The following EPB41L4B variants were observed in gnomAD, a reference collection of about 807,000 sequenced individuals.
The protein encoded by EPB41L4B is erythrocyte membrane protein band 4.1 like 4B, also known as band 4.1-like protein 4B.
In EPB41L4B, 30 loss-of-function variants were observed where a neutral mutation model predicts 112.5. The observed-to-expected ratio is 0.27, with a 90% CI of 0.20 to 0.36. The LOEUF (loss-of-function observed/expected upper bound fraction) is 0.36. Among genes scored for constraint, EPB41L4B ranks in the 10% least tolerant of loss-of-function variants. EPB41L4B has a pLI of 1.00. For synonymous variants in EPB41L4B, 408 were observed against 439.7 expected (o/e 0.93, Z 0.90); for missense variants, 1,024 against 1,133.3 (o/e 0.90, Z 1.38).
chr9:109,211,165 G>C (rs1028056898), intron 17 of EPB41L4B, among the ~76,000 whole-genome samples: 3 of 152,116 alleles, frequency 2.0e-5, no homozygotes, highest in Non-Finnish European at 4.4e-5. Flanking sequence ...GAGGATTCTT[G>C]ATCCTTGAGG....
intron 14 of EPB41L4B, among the ~76,000 whole-genome samples, chr9:109,244,666 G>T (rs1834483363): frequency 6.6e-6 from 1 of 152,058 alleles, no homozygotes; most frequent in African/African-American, 2.4e-5. Context: ...CAAACGGACT[G>T]AGGTGCAGCC....
intron 15 of EPB41L4B, among the ~76,000 whole-genome samples, chr9:109,235,698 T>C (rs2118928835): frequency 6.6e-6 from 1 of 152,332 alleles, no homozygotes; most frequent in African/African-American, 2.4e-5. Flanking sequence ...ACGCCCGGCC[T>C]TGAGCTATTT....
At position 109,268,538 on chromosome 9, in the gene EPB41L4B, ACCAGGGTTTGGATCATATCATGGGTT is replaced by A. The variant is rs1418162486; in HGVS notation, c.412-131_412-106del. 7 of 1,031,714 alleles carry A rather than the reference ACCAGGGTTTGGATCATATCATGGGTT, an allele frequency of 6.8e-6. No homozygotes were observed. The African/African-American group carries it at 8.2e-5, about 12-fold the overall frequency. 63.9% of individuals were successfully genotyped at this position (1,031,714 alleles called of 1,614,324 possible). A position where few individuals can be genotyped will look rare whatever the true frequency, so the allele number is the denominator to read the frequency against. The stretch of plus-strand genomic sequence containing the variant: ...AGCCTTAGTAATTCTACCCACAAAA[ACCAGGGTTTGGATCATATCATGGGTT>A]CTTAGGCTGGGAATCTGCAAACTGC... On this transcript the variant is annotated intron_variant, in intron 2 of 25. Transcript: ENST00000374566.
In EPB41L4B at chr9:109,174,465, T is replaced by C. The variant is rs1240092120; in HGVS notation, c.*89A>G. On this transcript the variant is annotated 3_prime_UTR_variant, in exon 26 of 26. Transcript: ENST00000374566. ...CCTGGGCGAACAGAGCACACACTTG[T>C]ATGCTGTGCTAGAGTGAGCACACAA... 10 of 1,245,110 alleles carry C rather than the reference T, an allele frequency of 8.0e-6. No homozygotes were observed. Among genetic ancestry groups the C allele is most frequent in the Non-Finnish European group, 1.2e-5 (10 of 845,452 alleles). 77.1% of individuals were successfully genotyped at this position (1,245,110 alleles called of 1,614,324 possible).
At chr9:109,261,516 G>T (rs1299901254) in intron 6 of EPB41L4B, among the ~76,000 whole-genome samples, 1 of 152,098 alleles carries the variant, frequency 6.6e-6, no homozygotes, top group East Asian at 1.9e-4. Context: ...ATTAAAAGGT[G>T]ACTGAAGAAT....
intron 2 of EPB41L4B, among the ~76,000 whole-genome samples, chr9:109,277,315 C>A (rs1199666221): frequency 6.2e-3 from 697 of 111,988 alleles, no homozygotes; most frequent in Admixed American, 7.1e-3. Flanking sequence ...AGTAGACATG[C>A]AAAAAAAAAA....
chr9:109,175,918 G>GT (rs912095255), intron 25 of EPB41L4B, among the ~76,000 whole-genome samples: 1 of 152,032 alleles, frequency 6.6e-6, no homozygotes, highest in African/African-American at 2.4e-5. Context: ...CTCCTCCCAG[G>GT]TATCTGCAGC....
chr9:109,202,254 A>G (rs1290360711), intron 19 of EPB41L4B, among the ~76,000 whole-genome samples: 1 of 152,174 alleles, frequency 6.6e-6, no homozygotes, highest in Non-Finnish European at 1.5e-5. Context: ...GCAGCTGGGT[A>G]TGTATCTCAG....
intron 2 of EPB41L4B, among the ~76,000 whole-genome samples, chr9:109,271,988 T>C (rs1300036760): frequency 6.6e-6 from 1 of 152,206 alleles, no homozygotes; most frequent in African/African-American, 2.4e-5. Context: ...GGTTGTAGAA[T>C]TTAATCATCT....
intron 1 of EPB41L4B, among the ~76,000 whole-genome samples, chr9:109,303,653 G>A (rs1258300402): frequency 1.3e-5 from 2 of 151,626 alleles, no homozygotes; most frequent in Admixed American, 6.6e-5. Flanking sequence ...ATGCCTGGCT[G>A]GGTTTTTTTT....
At chr9:109,320,051 G>C (rs1017827904) in intron 1 of EPB41L4B, 90 bp downstream of exon 1, 2 of 1,152,458 alleles carry the variant, frequency 1.7e-6, no homozygotes, top group Non-Finnish European at 2.2e-6. Flanking sequence ...GGAGGTGCAA[G>C]GGAAGCGCCC....
chr9:109,179,986 A>T (rs1403544121), intron 24 of EPB41L4B, among the ~76,000 whole-genome samples: 2 of 151,942 alleles, frequency 1.3e-5, no homozygotes, highest in South Asian at 2.1e-4. Context: ...TCCCTCAAAG[A>T]TTTCCTGTTG....
intron 15 of EPB41L4B, among the ~76,000 whole-genome samples, chr9:109,230,409 T>C (rs1833913663): frequency 6.6e-6 from 1 of 152,196 alleles, no homozygotes; most frequent in South Asian, 2.1e-4. Context: ...CTACGTGACC[T>C]TAGGTAACTC....
intron 13 of EPB41L4B, 25 bp downstream of exon 13, chr9:109,251,456 T>C: frequency 6.2e-7 from 1 of 1,602,370 alleles, no homozygotes; most frequent in Middle Eastern, 1.7e-4. Context: ...AGGAGAGCTG[T>C]GCTCTAGAGC....
chr9:109,199,408 C>T (rs1041850965), intron 20 of EPB41L4B, among the ~76,000 whole-genome samples: 2 of 152,116 alleles, frequency 1.3e-5, no homozygotes, highest in African/African-American at 4.8e-5. Flanking sequence ...GTGGCTCACA[C>T]CTGCAGTCCC....
chr9:109,258,837 C>T lies in EPB41L4B; in HGVS notation c.632-540G>A, dbSNP rs368616309. Among the ~76,000 whole-genome samples, 42 of 152,120 alleles carry T rather than the reference C, an allele frequency of 2.8e-4. 1 individual carries two copies. Among genetic ancestry groups the T allele is most frequent in the African/African-American group, 9.2e-4 (38 of 41,510 alleles). ...GGTGCGAGGGCTGCAGGAGCAACTG[C>T]GGGAAGTCAGGCAGAACCTGGGAGG... is the stretch of plus-strand genomic sequence containing the variant. On this transcript the variant is annotated intron_variant, in intron 6 of 25. Transcript: ENST00000374566.
intron 1 of EPB41L4B, chr9:109,307,149 T>C: frequency 2.5e-6 from 1 of 403,446 alleles, no homozygotes; most frequent in Non-Finnish European, 4.9e-6. Context: ...TGAAGCGAGT[T>C]AATAAACGAC....
At chr9:109,295,006 C>G (rs936697105) in intron 1 of EPB41L4B, among the ~76,000 whole-genome samples, 1 of 152,056 alleles carries the variant, frequency 6.6e-6, no homozygotes, top group South Asian at 2.1e-4. Flanking sequence ...GAAAGTGTTG[C>G]GAGATGCAGA....
At chr9:109,234,193 G>A (rs1834058615) in intron 15 of EPB41L4B, among the ~76,000 whole-genome samples, 1 of 152,018 alleles carries the variant, frequency 6.6e-6, no homozygotes, top group African/African-American at 2.4e-5. Context: ...GTGAGCTGGG[G>A]GGAGTATAAA....
Sources: gnomAD v4.1 joint callset for allele counts (sites outside exome capture counted in the v4.1 genomes callset) on GRCh38, gnomAD v4.1.1 for gene constraint, MANE v1.5 for transcripts, NCBI Gene and HGNC (gene_info 2026-07-23, HGNC 2026-07-21) for gene names.